The following ZNF674 variants were observed in gnomAD, a reference collection of about 807,000 sequenced individuals.
ZNF674 encodes the protein zinc finger protein 674.
Under a neutral mutation model 7.0 loss-of-function variants are expected in ZNF674, and 2 were observed. The ratio of observed to expected loss-of-function variants is 0.29; its 90% CI spans 0.12 to 0.90. The LOEUF is 0.90. ZNF674 is among the 40% of genes least tolerant of loss of function. ZNF674 has a pLI of 0.57. For missense variants in ZNF674, 297 were observed against 415.5 expected, an observed-to-expected ratio of 0.71 and a Z score of 2.48; for synonymous variants, 103 against 145.2, an observed-to-expected ratio of 0.71 and a Z score of 2.09.
chrX:46,500,969 T>C lies in ZNF674; in HGVS notation c.605A>G (p.Gln202Arg). ...DPNQRGKALH[Q>R]KQALRKSQRS... ...CTGACTTTTTCTAAGGGCTTGCTTT[T>C]GGTGGAGGGCTTTCCCTCGTTGATT... The change falls in exon 6 of 6, where the codon CAA becomes CGA. Residue 202 changes from glutamine to arginine, a missense_variant. By Grantham distance (43) the Gln-to-Arg change is conservative. Coordinates refer to ENST00000683375, the MANE Select transcript of ZNF674 (RefSeq NM_001190417.2). 2 of 1,189,887 alleles carry C rather than the reference T, an allele frequency of 1.7e-6. No individual in the cohort carries two copies. The highest frequency in any genetic ancestry group is 2.3e-6 in the Non-Finnish European group (2 of 883,706).
intron 5 of ZNF674, among the ~76,000 whole-genome samples, chrX:46,518,246 G>C (rs1246167430): frequency 1.8e-5 from 2 of 111,212 alleles, no homozygotes; most frequent in Non-Finnish European, 3.8e-5. Flanking sequence ...AGATATATAT[G>C]ATAGTTGAAA....
intron 5 of ZNF674, among the ~76,000 whole-genome samples, chrX:46,503,822 T>G (rs1033887380): frequency 3.6e-5 from 4 of 111,666 alleles, no homozygotes; most frequent in African/African-American, 1.3e-4. Context: ...GTAATACATT[T>G]AGTATTATTG....
intron 5 of ZNF674, among the ~76,000 whole-genome samples, chrX:46,506,956 A>C (rs1395254939): frequency 8.9e-6 from 1 of 111,813 alleles, no homozygotes; most frequent in Non-Finnish European, 1.9e-5. Context: ...AGAAAAACTC[A>C]GGGATATGAC....
At chrX:46,534,484 G>A (rs867856361) in intron 3 of ZNF674, among the ~76,000 whole-genome samples, 4 of 110,141 alleles carry the variant, frequency 3.6e-5, no homozygotes, top group South Asian at 3.9e-4. Context: ...CCTCAGCCCC[G>A]CAAAGTATCT....
intron 3 of ZNF674, among the ~76,000 whole-genome samples, chrX:46,541,187 C>T: frequency 1.8e-5 from 2 of 108,438 alleles, no homozygotes; most frequent in Admixed American, 2.0e-4. Flanking sequence ...CATGGAGAAA[C>T]CTCATCTCTA....
intron 5 of ZNF674, among the ~76,000 whole-genome samples, chrX:46,519,270 AG>A (rs1569476500): frequency 1.4e-3 from 107 of 75,678 alleles, no homozygotes; most frequent in East Asian, 2.1e-3. Flanking sequence ...AGATAAAGAT[AG>A]ATGATAGATA....
intron 5 of ZNF674, among the ~76,000 whole-genome samples, chrX:46,526,823 TGTTA>T (rs1420360608): frequency 9.0e-6 from 1 of 111,488 alleles, no homozygotes; most frequent in African/African-American, 3.3e-5. Context: ...GTCAGAGATT[TGTTA>T]GATAGGATAC....
At chrX:46,511,606 T>C (rs1486639314) in intron 5 of ZNF674, among the ~76,000 whole-genome samples, 1 of 112,548 alleles carries the variant, frequency 8.9e-6, no homozygotes, top group East Asian at 2.8e-4. Context: ...GCAATTGCAA[T>C]TGGAATCCCA....
chrX:46,528,101 G>T (rs1942040895), intron 5 of ZNF674: 1 of 444,133 alleles, frequency 2.3e-6, no homozygotes, highest in African/African-American at 2.4e-5. Context: ...AGGCTGGAAG[G>T]TAGAAATGGG....
chrX:46,505,768 T>TCTCACACACACACACACACA (rs377176227), intron 5 of ZNF674, among the ~76,000 whole-genome samples: 5 of 100,244 alleles, frequency 5.0e-5, no homozygotes, highest in South Asian at 4.6e-4. Flanking sequence ...CAAAACTCTG[T>TCTCACACACACACACACACA]CACACACACA....
intron 5 of ZNF674, among the ~76,000 whole-genome samples, chrX:46,526,804 T>C (rs1293398638): frequency 9.0e-6 from 1 of 111,641 alleles, no homozygotes; most frequent in Non-Finnish European, 1.9e-5. Context: ...AAAATCTCCA[T>C]TGCTCTGAGT....
intron 3 of ZNF674, among the ~76,000 whole-genome samples, chrX:46,531,471 C>T (rs754356312): frequency 3.6e-5 from 4 of 111,576 alleles, no homozygotes; most frequent in East Asian, 5.6e-4. Flanking sequence ...TGGGAGCTGA[C>T]GCTAACTCCA....
intron 5 of ZNF674, among the ~76,000 whole-genome samples, chrX:46,504,296 C>G (rs999977068): frequency 6.3e-5 from 7 of 111,001 alleles, no homozygotes; most frequent in African/African-American, 2.3e-4. Flanking sequence ...GCATAAAGCT[C>G]AAAAGGTAAT....
intron 3 of ZNF674, among the ~76,000 whole-genome samples, chrX:46,533,734 G>A (rs1263010545): frequency 9.9e-6 from 1 of 100,709 alleles, no homozygotes; most frequent in Non-Finnish European, 2.0e-5. Context: ...TACCCGGGAG[G>A]TGGAGGTTGC....
chrX:46,499,916 C>T lies in ZNF674; in HGVS notation c.1658G>A (p.Cys553Tyr). ...TGACTTCCCACTGAATGCTTTCCCACAGTCTCTGCATTCATAAGGTTTCTC... is the reference window on the plus strand; with the variant it reads ...TGACTTCCCACTGAATGCTTTCCCATAGTCTCTGCATTCATAAGGTTTCTC... Reference protein sequence around the residue: ...TGEKPYECRDCGKAFSGKSTL... With the variant: ...TGEKPYECRDYGKAFSGKSTL... Residue 553 changes from cysteine (C) to tyrosine (Y), a missense_variant, in exon 6 of 6, where the codon TGT (cysteine) becomes TAT (tyrosine). By Grantham distance (194) the Cys-to-Tyr change is radical. Coordinates refer to ENST00000683375, the MANE Select transcript of ZNF674 (RefSeq NM_001190417.2). 10 of 1,175,476 alleles carry T rather than the reference C, an allele frequency of 8.5e-6. No individual in the cohort carries two copies. The highest frequency in any genetic ancestry group is 1.1e-5 in the Non-Finnish European group (10 of 876,507).
chrX:46,515,480 C>T (rs1358175706), intron 5 of ZNF674, among the ~76,000 whole-genome samples: 1 of 111,243 alleles, frequency 9.0e-6, no homozygotes, highest in Non-Finnish European at 1.9e-5. Flanking sequence ...AGAAAGAATA[C>T]AATTCTACAT....
Position 46,510,527 on chromosome X carries a change from G to A in ZNF674, c.239-9192C>T, listed in dbSNP as rs751224925. Among the ~76,000 whole-genome samples the A allele has an allele frequency of 3.6e-5, 4 of 112,254 alleles. No individual in the cohort carries two copies. The South Asian group carries it at 1.5e-3, about 41-fold the overall frequency. ...TATTAGGCCGGGTGTGGTGGCTCAC[G>A]CCTGTAATCCCAGCATTTTGGGAGG... On this transcript the variant is annotated intron_variant, in intron 5 of 5. Coordinates refer to ENST00000683375, the MANE Select transcript of ZNF674 (RefSeq NM_001190417.2).
chrX:46,527,072 T>C (rs1602076132), intron 5 of ZNF674, among the ~76,000 whole-genome samples: 1 of 111,203 alleles, frequency 9.0e-6, no homozygotes, highest in East Asian at 2.8e-4. Context: ...GAGACCAGCC[T>C]GGCCAACATG....
chrX:46,543,037 A>G (rs1265211476), intron 2 of ZNF674, among the ~76,000 whole-genome samples: 1 of 110,122 alleles, frequency 9.1e-6, no homozygotes, highest in African/African-American at 3.3e-5. Context: ...TGCAACCTCC[A>G]CCTCCCGGGT....
Sources: gnomAD v4.1 joint callset for allele counts (sites outside exome capture counted in the v4.1 genomes callset) on GRCh38, gnomAD v4.1.1 for gene constraint, MANE v1.5 for transcripts, NCBI Gene and HGNC (gene_info 2026-07-23, HGNC 2026-07-21) for gene names.